MINAR2: variants seen among roughly 807,000 people sequenced by gnomAD.
MINAR2 encodes membrane integral NOTCH2 associated receptor 2.
Under a neutral mutation model 16.1 loss-of-function variants are expected in MINAR2, and 21 were observed. The observed-to-expected ratio is 1.31, with a 90% CI of 0.93 to 1.88. MINAR2 has a LOEUF of 1.88. Ranked by LOEUF, MINAR2 falls within the 40% of genes most tolerant of loss-of-function variation. The pLI is 0.00. For missense variants in MINAR2, 259 were observed against 229.8 expected (o/e 1.13, Z -0.82); for synonymous variants, 86 against 83.0 (o/e 1.04, Z -0.20).
intron 1 of MINAR2, among the ~76,000 whole-genome samples, chr5:129,754,141 C>T (rs141822981): frequency 8.2e-4 from 124 of 152,118 alleles, no homozygotes; most frequent in Middle Eastern, 3.4e-3. Context: ...GTTATAATAC[C>T]ACCTGTGAGC....
chr5:129,757,914 CGT>C (rs1405015237), intron 1 of MINAR2, among the ~76,000 whole-genome samples: 97 of 151,918 alleles, frequency 6.4e-4, no homozygotes, highest in Non-Finnish European at 8.8e-5. Flanking sequence ...TTACCTTAAA[CGT>C]CTGTTATCAA....
At chr5:129,762,159 A>G (rs2149546904) in intron 2 of MINAR2, among the ~76,000 whole-genome samples, 1 of 152,216 alleles carries the variant, frequency 6.6e-6, no homozygotes, top group Admixed American at 6.5e-5. Context: ...CTGCACATGT[A>G]TCCCATAACA....
In MINAR2 at chr5:129,755,037, C is replaced by A. The variant is rs561879346; in HGVS notation, c.166-5341C>A. Reference sequence around the variant, plus strand: ...AGAAAATTTTCTACTAGTTCTAGTTCACTAAGAGTGTTTGCTTTAAATATG... The same window carrying A: ...AGAAAATTTTCTACTAGTTCTAGTTAACTAAGAGTGTTTGCTTTAAATATG... On this transcript the variant is annotated intron_variant, in intron 1 of 2. Coordinates refer to ENST00000564719, the MANE Select transcript of MINAR2 (RefSeq NM_001257308.2). 8.5e-5 allele frequency among the ~76,000 whole-genome samples: 13 copies of A among 152,158 alleles called. No individual in the cohort carries two copies. In the South Asian group the frequency reaches 2.7e-3, roughly 32 times the overall value.
chr5:129,752,221 G>A (rs1757993666), intron 1 of MINAR2, among the ~76,000 whole-genome samples: 1 of 152,002 alleles, frequency 6.6e-6, no homozygotes. Flanking sequence ...CCCATTACTG[G>A]GTATATACCC....
At chr5:129,755,284 A>G (rs1192320512) in intron 1 of MINAR2, among the ~76,000 whole-genome samples, 4 of 152,104 alleles carry the variant, frequency 2.6e-5, no homozygotes, top group African/African-American at 9.7e-5. Flanking sequence ...TGTGTATAAG[A>G]GAAATTGGCT....
rs965990101 is a variant in MINAR2 at position 129,765,665 on chromosome 5, A to G, written c.*602A>G. 6.6e-6 allele frequency: 1 copy of G among 152,202 alleles called. No homozygotes were observed. Among genetic ancestry groups the G allele is most frequent in the African/African-American group, 2.4e-5 (1 of 41,460 alleles). 9.4% of individuals were successfully genotyped at this position (152,202 alleles called of 1,614,324 possible). On this transcript the variant is annotated 3_prime_UTR_variant, in exon 3 of 3. Coordinates refer to ENST00000564719, the MANE Select transcript of MINAR2 (RefSeq NM_001257308.2). ...ATCTATTCTTATTTCCCCAGTAATC[A>G]TCTATGATGCCCCAATTTCATGTTG...
intron 1 of MINAR2, 122 bp from the exon 2 acceptor site, chr5:129,760,256 A>G (rs1473748664): frequency 4.4e-5 from 31 of 706,034 alleles, no homozygotes; most frequent in South Asian, 2.1e-4. Flanking sequence ...TTTCTCATTC[A>G]TTGTCCTAAT....
chr5:129,765,497 A>AT lies in MINAR2; in HGVS notation c.*444dup, dbSNP rs905933748. ...ATCACCAGAAAAGTTTGAGCTGATA[A>AT]TTTTTTTTTTAACCAACTGCTGGGT... is the stretch of plus-strand genomic sequence containing the variant. On this transcript the variant is annotated 3_prime_UTR_variant, in exon 3 of 3. Transcript: ENST00000564719. 6.6e-5 allele frequency: 10 copies of AT among 151,770 alleles called. No individual in the cohort carries two copies. Among genetic ancestry groups the AT allele is most frequent in the Non-Finnish European group, 7.3e-5 (5 of 68,382 alleles). 9.4% of individuals were successfully genotyped at this position (151,770 alleles called of 1,614,324 possible). A position where few individuals can be genotyped will look rare whatever the true frequency, so the allele number is the denominator to read the frequency against.
rs1757983047 is a variant in MINAR2 at position 129,751,382 on chromosome 5, T to C, written c.165+3027T>C. On this transcript the variant is annotated intron_variant, in intron 1 of 2. Transcript: ENST00000564719. ...CGCCACCATGCCCAGCTAATTTTTG[T>C]ATTTTTAGTAGAGATGGGGTTTCAC... is the stretch of plus-strand genomic sequence containing the variant. 1.3e-5 allele frequency among the ~76,000 whole-genome samples: 2 copies of C among 152,108 alleles called. 1 individual carries two copies. The highest frequency in any genetic ancestry group is 4.1e-4 in the South Asian group (2 of 4,822).
chr5:129,751,181 A>G (rs1262607189), intron 1 of MINAR2, among the ~76,000 whole-genome samples: 1 of 152,078 alleles, frequency 6.6e-6, no homozygotes, highest in African/African-American at 2.4e-5. Context: ...GGTCATTTTT[A>G]TATGAGCTAA....
intron 1 of MINAR2, among the ~76,000 whole-genome samples, chr5:129,759,766 T>C (rs888973589): frequency 1.3e-5 from 2 of 152,108 alleles, no homozygotes; most frequent in African/African-American, 4.8e-5. Flanking sequence ...TATATATGAA[T>C]ATTATGCTTC....
chr5:129,764,984 T>A lies in MINAR2; in HGVS notation c.494T>A (p.Phe165Tyr), dbSNP rs896531082. ...GAGAAACAAGAGAAGCATTCAAAAT[T>A]CTGTCGTATGGGTCTGATTTTACTT... ...KEEKQEKHSKFCRMGLILLVV... is the reference protein window; with the variant it reads ...KEEKQEKHSKYCRMGLILLVV... Residue 165 changes from phenylalanine (F) to tyrosine (Y), a missense_variant, in exon 3 of 3, where the codon TTC becomes TAC. Physicochemically the swap from Phe to Tyr is conservative, Grantham distance 22 (BLOSUM62 3). Transcript: ENST00000564719. 31 of 1,403,186 alleles carry A rather than the reference T, an allele frequency of 2.2e-5. No individual in the cohort carries two copies. Among genetic ancestry groups the A allele is most frequent in the Admixed American group, 1.0e-4 (4 of 38,794 alleles). 86.9% of individuals were successfully genotyped at this position (1,403,186 alleles called of 1,614,324 possible). A position where few individuals can be genotyped will look rare whatever the true frequency, so the allele number is the denominator to read the frequency against.
intron 1 of MINAR2, among the ~76,000 whole-genome samples, chr5:129,757,291 G>A (rs917067982): frequency 6.6e-6 from 1 of 151,918 alleles, no homozygotes; most frequent in African/African-American, 2.4e-5. Context: ...GGGAAAGGCA[G>A]ATATCCTCTG....
chr5:129,760,165 A>G (rs868106045), intron 1 of MINAR2, among the ~76,000 whole-genome samples: 2 of 152,206 alleles, frequency 1.3e-5, no homozygotes, highest in Admixed American at 6.6e-5. Flanking sequence ...ATGAATGATT[A>G]GTAAAGCTGT....
chr5:129,753,909 A>G (rs1254693796), intron 1 of MINAR2, among the ~76,000 whole-genome samples: 1 of 152,208 alleles, frequency 6.6e-6, no homozygotes, highest in African/African-American at 2.4e-5. Flanking sequence ...CTTATATTGG[A>G]TGACAATGTG....
At position 129,760,419 on chromosome 5, in the gene MINAR2, C is replaced by G; in HGVS notation, c.207C>G (p.Ser69=). The stretch of plus-strand genomic sequence containing the variant: ...TTGCTGCTCAACGAATTAGGGGATC[C>G]AGTGCAGACAGCCTTGTCACTGCTG... The part of the protein sequence containing the change: ...KNIAAQRIRG[S]SADSLVTADS... The change falls in exon 2 of 3, where the codon TCC becomes TCG. Residue 69 remains serine, a synonymous_variant. Coordinates refer to ENST00000564719, the MANE Select transcript of MINAR2 (RefSeq NM_001257308.2). 6.5e-7 allele frequency: 1 copy of G among 1,535,670 alleles called. No individual in the cohort carries two copies. Among genetic ancestry groups the G allele is most frequent in the East Asian group, 2.4e-5 (1 of 40,910 alleles).
chr5:129,752,756 G>A lies in MINAR2; in HGVS notation c.165+4401G>A, dbSNP rs141818217. Among the ~76,000 whole-genome samples the A allele has an allele frequency of 4.4e-3, 665 of 150,048 alleles. 5 individuals carry two copies. The highest frequency in any genetic ancestry group is 0.016 in the African/African-American group (645 of 40,538). On this transcript the variant is annotated intron_variant, in intron 1 of 2. Transcript: ENST00000564719. ...AAGTATAATTTAAAAAAATTCAAAT[G>A]GCAAGAAAGAAAAATGTGTGTCTTT...
Position 129,764,947 on chromosome 5 carries a change from T to C in MINAR2, c.457T>C (p.Leu153=). The change falls in exon 3 of 3, where the codon TTG becomes CTG. Residue 153 remains leucine, a synonymous_variant. Transcript: ENST00000564719. ...GTACACTCCAGGTTTTGACACTTTATTGAAAAAGGAAGAGAAACAAGAGAA... is the reference window on the plus strand; with the variant it reads ...GTACACTCCAGGTTTTGACACTTTACTGAAAAAGGAAGAGAAACAAGAGAA... The part of the protein sequence containing the change: ...DMYTPGFDTL[L]KKEEKQEKHS... 3 of 1,404,820 alleles carry C rather than the reference T, an allele frequency of 2.1e-6. No homozygotes were observed. The highest frequency in any genetic ancestry group is 2.8e-6 in the Non-Finnish European group (3 of 1,079,888). The allele number at this position is 1,404,820 out of a possible 1,614,324, so 87.0% of individuals were successfully genotyped here. A position where few individuals can be genotyped will look rare whatever the true frequency, so the allele number is the denominator to read the frequency against.
At chr5:129,761,420 A>T (rs973364026) in intron 2 of MINAR2, among the ~76,000 whole-genome samples, 1 of 151,674 alleles carries the variant, frequency 6.6e-6, no homozygotes, top group Non-Finnish European at 1.5e-5. Context: ...GCACTCGAGA[A>T]TTTTTTTCTT....
Sources: allele counts gnomAD v4.1 joint callset (sites outside exome capture counted in the v4.1 genomes callset), GRCh38; gene constraint gnomAD v4.1.1; transcripts MANE v1.5; gene names NCBI Gene and HGNC (gene_info 2026-07-23, HGNC 2026-07-21).